MPDZ: variants seen among roughly 807,000 people sequenced by gnomAD.
The protein encoded by MPDZ is multiple PDZ domain protein.
MPDZ carries 234 observed loss-of-function variants against 239.1 expected under a neutral mutation model. The ratio of observed to expected loss-of-function variants is 0.98; its 90% CI spans 0.88 to 1.09. The LOEUF (loss-of-function observed/expected upper bound fraction) is 1.09, where lower values mean the gene tolerates loss of function less well. MPDZ is among the 50% of genes least tolerant of loss of function. MPDZ has a pLI of 0.00. For missense variants in MPDZ, 3,175 were observed against 2,510.0 expected, an observed-to-expected ratio of 1.26 and a Z score of -5.66; for synonymous variants, 1,048 against 881.3, an observed-to-expected ratio of 1.19 and a Z score of -3.35.
chr9:13,219,634 G>A lies in MPDZ; in HGVS notation c.1011C>T (p.Ala337=), dbSNP rs1303189214. The change falls in exon 8 of 47, where the codon GCC becomes GCT. Residue 337 remains alanine, a synonymous_variant. Coordinates refer to ENST00000319217, the MANE Select transcript of MPDZ (RefSeq NM_001378778.1). ...NRVKLMIARG[A]IEERTAPTAL... ...CAGTGGGTGCTGTACGTTCTTCTAT[G>A]GCACCTCTTGCAATCATCAACTTAA... 3.7e-6 allele frequency: 6 copies of A among 1,612,530 alleles called. No individual in the cohort carries two copies. In the Admixed American group the frequency reaches 6.7e-5, roughly 18 times the overall value.
At chr9:13,162,083 G>A (rs1289272295) in intron 23 of MPDZ, among the ~76,000 whole-genome samples, 2 of 152,090 alleles carry the variant, frequency 1.3e-5, no homozygotes, top group African/African-American at 4.8e-5. Context: ...TGAGCAATAT[G>A]GCAAAACCCC....
chr9:13,257,485 G>A (rs1969712701), intron 1 of MPDZ, among the ~76,000 whole-genome samples: 1 of 152,030 alleles, frequency 6.6e-6, no homozygotes, highest in African/African-American at 2.4e-5. Context: ...AAATCACACG[G>A]TGAAAATATA....
chr9:13,136,301 C>G, intron 30 of MPDZ, 119 bp from the exon 31 acceptor site: 1 of 368,846 alleles, frequency 2.7e-6, no homozygotes, highest in Non-Finnish European at 4.7e-6. Flanking sequence ...GGAACTGTGA[C>G]ACTTACAAAT....
At chr9:13,260,524 T>C (rs999897312) in intron 1 of MPDZ, among the ~76,000 whole-genome samples, 1 of 152,188 alleles carries the variant, frequency 6.6e-6, no homozygotes, top group African/African-American at 2.4e-5. Context: ...GATGTTGCTA[T>C]GGAATGAACT....
chr9:13,264,666 A>G (rs1049422185), intron 1 of MPDZ, among the ~76,000 whole-genome samples: 3 of 152,012 alleles, frequency 2.0e-5, no homozygotes, highest in African/African-American at 7.2e-5. Context: ...TAAAAAAAAA[A>G]AAAAAAAGAG....
At chr9:13,276,609 G>A (rs1255263431) in intron 1 of MPDZ, 3 of 152,164 alleles carry the variant, frequency 2.0e-5, no homozygotes, top group Non-Finnish European at 4.4e-5. Context: ...GAAGTTGTCT[G>A]CTTCTTCTCT....
chr9:13,254,474 T>G (rs1968921036), intron 1 of MPDZ, among the ~76,000 whole-genome samples: 1 of 152,236 alleles, frequency 6.6e-6, no homozygotes, highest in African/African-American at 2.4e-5. Context: ...TATATTGTTG[T>G]AATTGTTCAA....
In MPDZ at chr9:13,217,204, C is replaced by CA; in HGVS notation, c.1176dup (p.Gly393TrpfsTer6). 6.3e-7 allele frequency: 1 copy of CA among 1,594,490 alleles called. No homozygotes were observed. On this transcript the variant is annotated frameshift_variant, in exon 9 of 47. Transcript: ENST00000319217. LOFTEE classifies it high-confidence loss of function. ...CCCAATTTTTTATCTCCAATGTAGCCAGCAATGGTAATTCCTAATCCTTGG... is the reference window on the plus strand; with the variant it reads ...CCCAATTTTTTATCTCCAATGTAGCCAAGCAATGGTAATTCCTAATCCTTGG...
chr9:13,204,440 A>AATG (rs1429296294), intron 12 of MPDZ, among the ~76,000 whole-genome samples: 3 of 152,068 alleles, frequency 2.0e-5, no homozygotes, highest in Non-Finnish European at 4.4e-5. Flanking sequence ...TAATAATAAT[A>AATG]ATGCTACTCT....
At chr9:13,277,510 G>A (rs1974502821) in intron 1 of MPDZ, among the ~76,000 whole-genome samples, 1 of 152,074 alleles carries the variant, frequency 6.6e-6, no homozygotes, top group South Asian at 2.1e-4. Context: ...GCTTAGTATT[G>A]TATTAGAAGA....
intron 36 of MPDZ, 107 bp downstream of exon 36, chr9:13,123,046 C>T (rs1219269421): frequency 4.3e-6 from 5 of 1,161,170 alleles, no homozygotes; most frequent in African/African-American, 3.1e-5. Context: ...CAGGTTTTTT[C>T]GGCCTTCACA....
intron 1 of MPDZ, among the ~76,000 whole-genome samples, chr9:13,264,273 TAC>T (rs1256363306): frequency 2.0e-5 from 3 of 152,218 alleles, no homozygotes; most frequent in African/African-American, 7.2e-5. Context: ...ATTCTTACTT[TAC>T]CTGCAGATTT....
intron 21 of MPDZ, among the ~76,000 whole-genome samples, chr9:13,171,614 C>A (rs1400941836): frequency 1.3e-5 from 2 of 152,074 alleles, no homozygotes; most frequent in Non-Finnish European, 2.9e-5. Flanking sequence ...CAAAAAGCAT[C>A]AAGATTAGAA....
intron 1 of MPDZ, among the ~76,000 whole-genome samples, chr9:13,251,120 C>A (rs1967866675): frequency 9.3e-6 from 1 of 107,544 alleles, no homozygotes. Flanking sequence ...CAGAACAAGA[C>A]TCCATCTCAA....
intron 21 of MPDZ, among the ~76,000 whole-genome samples, chr9:13,173,637 G>A (rs1228370402): frequency 1.3e-5 from 2 of 151,540 alleles, no homozygotes; most frequent in Non-Finnish European, 2.9e-5. Flanking sequence ...CTCAGGAGAC[G>A]GAAGTTGCAG....
intron 14 of MPDZ, 145 bp downstream of exon 14, chr9:13,193,022 G>T: frequency 1.5e-6 from 1 of 658,246 alleles, no homozygotes; most frequent in Non-Finnish European, 2.2e-6. Flanking sequence ...CAAAATTTCT[G>T]CTTTGGGTTG....
intron 16 of MPDZ, among the ~76,000 whole-genome samples, chr9:13,189,298 A>C (rs752777226): frequency 6.6e-6 from 1 of 152,104 alleles, no homozygotes; most frequent in Non-Finnish European, 1.5e-5. Flanking sequence ...CAAATTTTAT[A>C]ACTATTATTG....
At chr9:13,221,051 T>C (rs1959037800) in intron 7 of MPDZ, among the ~76,000 whole-genome samples, 1 of 152,002 alleles carries the variant, frequency 6.6e-6, no homozygotes, top group Non-Finnish European at 1.5e-5. Context: ...TGACTAGGTA[T>C]ATAAATACGA....
chr9:13,182,493 C>T (rs1254158924), intron 19 of MPDZ, among the ~76,000 whole-genome samples: 3 of 152,094 alleles, frequency 2.0e-5, no homozygotes, highest in Middle Eastern at 3.4e-3. Context: ...TTAGATTTTA[C>T]TACACACATG....
Sources: allele counts gnomAD v4.1 joint callset (sites outside exome capture counted in the v4.1 genomes callset), GRCh38; gene constraint gnomAD v4.1.1; transcripts MANE v1.5; gene names NCBI Gene and HGNC (gene_info 2026-07-23, HGNC 2026-07-21).